The following USP15 variants were observed in gnomAD, a reference collection of about 807,000 sequenced individuals.
USP15 encodes the protein ubiquitin carboxyl-terminal hydrolase 15.
Under a neutral mutation model 127.1 loss-of-function variants are expected in USP15, and 18 were observed. The observed-to-expected ratio is 0.14, with a 90% CI of 0.10 to 0.21. USP15 has a LOEUF of 0.21. Among genes scored for constraint, USP15 ranks in the 10% least tolerant of loss-of-function variants. USP15 has a pLI of 1.00. For missense variants in USP15, 805 were observed against 1,159.9 expected, an observed-to-expected ratio of 0.69 and a Z score of 4.44; for synonymous variants, 364 against 393.7, an observed-to-expected ratio of 0.92 and a Z score of 0.89.
rs1364050571 is a variant in USP15 at position 62,411,160 on chromosome 12, T to C, written c.*6785T>C. ...AAGGACCCTAGAGATCCTTGAGGAA[T>C]CCCACTTTACAGATGTAGAAGCTGA... On this transcript the variant is annotated 3_prime_UTR_variant, in exon 22 of 22. Coordinates refer to ENST00000280377, the MANE Select transcript of USP15 (RefSeq NM_001252078.2). 6.6e-6 allele frequency: 1 copy of C among 152,234 alleles called. No individual in the cohort carries two copies. Among genetic ancestry groups the C allele is most frequent in the Non-Finnish European group, 1.5e-5 (1 of 68,050 alleles). 9.4% of individuals were successfully genotyped at this position (152,234 alleles called of 1,614,324 possible).
intron 16 of USP15, 113 bp downstream of exon 16, chr12:62,391,542 T>G: frequency 7.4e-7 from 1 of 1,349,668 alleles, no homozygotes; most frequent in Non-Finnish European, 1.0e-6. Flanking sequence ...TTTACTTTTC[T>G]ATCTCAAATT....
chr12:62,327,993 T>C (rs1424945428), intron 6 of USP15, among the ~76,000 whole-genome samples: 1 of 152,198 alleles, frequency 6.6e-6, no homozygotes, highest in Admixed American at 6.5e-5. Flanking sequence ...ATGAAAAGAT[T>C]CTCAGAAAAC....
chr12:62,379,079 G>A (rs1197873614), intron 8 of USP15, among the ~76,000 whole-genome samples: 2 of 151,680 alleles, frequency 1.3e-5, no homozygotes, highest in African/African-American at 2.4e-5. Context: ...AATAAGTGCT[G>A]TAATAAAAGT....
At chr12:62,341,472 G>A (rs988840108) in intron 6 of USP15, among the ~76,000 whole-genome samples, 12 of 152,062 alleles carry the variant, frequency 7.9e-5, no homozygotes, top group Admixed American at 4.6e-4. Context: ...TCTTCATAGT[G>A]TCATTGGTCA....
intron 1 of USP15, among the ~76,000 whole-genome samples, chr12:62,291,792 C>T (rs536777004): frequency 2.0e-4 from 31 of 152,260 alleles, no homozygotes; most frequent in African/African-American, 7.5e-4. Flanking sequence ...CCTTTGGTGG[C>T]TTTCTCAAAC....
intron 20 of USP15, among the ~76,000 whole-genome samples, chr12:62,397,027 C>T (rs2067514827): frequency 1.3e-5 from 2 of 152,134 alleles, no homozygotes; most frequent in Non-Finnish European, 2.9e-5. Context: ...CCCCACCCCC[C>T]AGGATGGCTC....
At chr12:62,273,649 C>T (rs893752037) in intron 1 of USP15, among the ~76,000 whole-genome samples, 1 of 152,008 alleles carries the variant, frequency 6.6e-6, no homozygotes, top group Non-Finnish European at 1.5e-5. Context: ...ATTGGTATGA[C>T]AAATTCATCC....
chr12:62,314,757 G>A (rs1294878133), intron 3 of USP15, 33 bp from the exon 4 acceptor site: 7 of 1,502,170 alleles, frequency 4.7e-6, no homozygotes, highest in East Asian at 2.5e-5. Context: ...ATTGATATAG[G>A]TGACACTGAT....
intron 8 of USP15, among the ~76,000 whole-genome samples, chr12:62,361,637 T>C (rs1462537000): frequency 6.6e-6 from 1 of 151,994 alleles, no homozygotes; most frequent in African/African-American, 2.4e-5. Flanking sequence ...GGATTTTTTT[T>C]GTAATTAAAA....
At chr12:62,380,141 A>T (rs2066946392) in intron 8 of USP15, among the ~76,000 whole-genome samples, 1 of 152,048 alleles carries the variant, frequency 6.6e-6, no homozygotes, top group African/African-American at 2.4e-5. Context: ...AGAATTATAT[A>T]ATCGTAAATT....
Position 62,287,654 on chromosome 12 carries a change from CAG to C in USP15, c.90-6520_90-6519del, listed in dbSNP as rs557197887. On this transcript the variant is annotated intron_variant, in intron 1 of 21. Coordinates refer to ENST00000280377, the MANE Select transcript of USP15 (RefSeq NM_001252078.2). ...TAAATTCTTTGTGTAGGCCAGTGAA[CAG>C]AGAGTTTTTCCTAGGTTTTTTTTAG... is the stretch of plus-strand genomic sequence containing the variant. Among the ~76,000 whole-genome samples, 73 of 152,142 alleles carry C rather than the reference CAG, an allele frequency of 4.8e-4. 1 individual carries two copies. Among genetic ancestry groups the C allele is most frequent in the African/African-American group, 1.4e-3 (59 of 41,492 alleles).
intron 1 of USP15, among the ~76,000 whole-genome samples, chr12:62,268,965 C>T (rs907964019): frequency 9.2e-5 from 14 of 151,914 alleles, no homozygotes; most frequent in Non-Finnish European, 1.9e-4. Context: ...TATATATTTG[C>T]CTATTCTGGA....
chr12:62,335,394 G>C (rs570554625), intron 6 of USP15: 2 of 1,396,132 alleles, frequency 1.4e-6, no homozygotes, highest in South Asian at 3.4e-5. Context: ...GTCTGCAACA[G>C]TATTGTAAAA....
chr12:62,305,198 G>A (rs1213790552), intron 3 of USP15, among the ~76,000 whole-genome samples: 1 of 152,082 alleles, frequency 6.6e-6, no homozygotes, highest in Non-Finnish European at 1.5e-5. Flanking sequence ...AAGGTGTCAT[G>A]CTTTAAAGAA....
At chr12:62,354,136 C>CGTGT (rs948207975) in intron 7 of USP15, among the ~76,000 whole-genome samples, 5 of 146,590 alleles carry the variant, frequency 3.4e-5, no homozygotes, top group Admixed American at 1.4e-4. Context: ...TGTGTGTGTG[C>CGTGT]GTGTGTGTGT....
chr12:62,326,759 G>C (rs958306421), intron 6 of USP15, among the ~76,000 whole-genome samples: 2 of 152,114 alleles, frequency 1.3e-5, no homozygotes, highest in African/African-American at 2.4e-5. Context: ...TTAAAATAAT[G>C]ATATTTTTAA....
At chr12:62,378,372 A>G (rs958697995) in intron 8 of USP15, among the ~76,000 whole-genome samples, 4 of 152,186 alleles carry the variant, frequency 2.6e-5, no homozygotes, top group African/African-American at 9.6e-5. Flanking sequence ...GAATTTATGT[A>G]TTTATATGTG....
chr12:62,335,784 A>G lies in USP15; in HGVS notation c.683+9851A>G, dbSNP rs879026649. ...GCTTGCCACCCATTCAGGATTTAAC[A>G]AAGTTCTTATTTGTCTTTCTTTTAA... On this transcript the variant is annotated intron_variant, in intron 6 of 21. Coordinates refer to ENST00000280377, the MANE Select transcript of USP15 (RefSeq NM_001252078.2). 1.0e-5 allele frequency: 10 copies of G among 985,284 alleles called. No individual in the cohort carries two copies. In the South Asian group the frequency reaches 2.8e-4, roughly 28 times the overall value. 61.0% of individuals were successfully genotyped at this position (985,284 alleles called of 1,614,324 possible). A position where few individuals can be genotyped will look rare whatever the true frequency, so the allele number is the denominator to read the frequency against.
At chr12:62,262,324 T>C (rs986477223) in intron 1 of USP15, among the ~76,000 whole-genome samples, 3 of 152,242 alleles carry the variant, frequency 2.0e-5, no homozygotes, top group Non-Finnish European at 4.4e-5. Context: ...GACACCCATG[T>C]TTACCTTGGC....
Sources: gnomAD v4.1 joint callset for allele counts (sites outside exome capture counted in the v4.1 genomes callset) on GRCh38, gnomAD v4.1.1 for gene constraint, MANE v1.5 for transcripts, NCBI Gene and HGNC (gene_info 2026-07-23, HGNC 2026-07-21) for gene names.